Variants in ZNF106 observed in about 807,000 individuals in gnomAD.
ZNF106 encodes zinc finger protein 106, also known as SH3-domain binding protein 3.
In ZNF106, 67 loss-of-function variants were observed where a neutral mutation model predicts 195.1. That is an observed-to-expected ratio of 0.34 (90% confidence interval 0.28 to 0.42). ZNF106 has a LOEUF of 0.42. Ranked by LOEUF, ZNF106 falls within the 10% of genes least tolerant of loss-of-function variation. The pLI, the probability that ZNF106 is intolerant of heterozygous loss-of-function variation, is 1.00. For missense variants in ZNF106, 2,118 were observed against 2,304.5 expected (o/e 0.92, Z 1.66); for synonymous variants, 784 against 818.6 (o/e 0.96, Z 0.72).
At chr15:42,490,628 T>C (rs1055288129) in intron 1 of ZNF106, among the ~76,000 whole-genome samples, 1 of 152,222 alleles carries the variant, frequency 6.6e-6, no homozygotes, top group Non-Finnish European at 1.5e-5. Context: ...GTCCCTGGCC[T>C]GAGACCTACG....
intron 17 of ZNF106, 102 bp downstream of exon 17, chr15:42,423,896 G>T: frequency 9.2e-7 from 1 of 1,088,758 alleles, no homozygotes; most frequent in Non-Finnish European, 1.3e-6. Context: ...TCCCTTCGGT[G>T]GATAAAGGGC....
intron 3 of ZNF106, chr15:42,457,525 C>T: frequency 9.0e-7 from 1 of 1,105,564 alleles, no homozygotes; most frequent in Non-Finnish European, 1.1e-6. Flanking sequence ...ATGGTGCCAG[C>T]TGCACTCAGA....
chr15:42,418,100 G>A lies in ZNF106; in HGVS notation c.5518-149C>T, dbSNP rs569585220. ...ATTCTTGGCTAGAAAAGACAACAAAGCCAAGGCAACCAAAATATCAGTATA... is the reference window on the plus strand; with the variant it reads ...ATTCTTGGCTAGAAAAGACAACAAAACCAAGGCAACCAAAATATCAGTATA... On this transcript the variant is annotated intron_variant, in intron 20 of 21. Transcript: ENST00000564754. 5.0e-5 allele frequency: 44 copies of A among 886,938 alleles called. No homozygotes were observed. The East Asian group carries it at 1.2e-3, about 25-fold the overall frequency. 54.9% of individuals were successfully genotyped at this position (886,938 alleles called of 1,614,324 possible).
chr15:42,481,673 G>C (rs564396753), intron 1 of ZNF106, among the ~76,000 whole-genome samples: 14 of 152,124 alleles, frequency 9.2e-5, no homozygotes, highest in African/African-American at 3.1e-4. Context: ...ATTCTTTCTT[G>C]AAGGCTATTC....
chr15:42,480,543 C>G (rs2056877532), intron 1 of ZNF106, among the ~76,000 whole-genome samples: 1 of 151,970 alleles, frequency 6.6e-6, no homozygotes, highest in African/African-American at 2.4e-5. Context: ...TCAGTTATAC[C>G]TGTTTCTGTC....
At chr15:42,433,097 T>C (rs943666050) in intron 14 of ZNF106, among the ~76,000 whole-genome samples, 2 of 152,138 alleles carry the variant, frequency 1.3e-5, no homozygotes, top group Non-Finnish European at 2.9e-5. Context: ...GTATTAAGTA[T>C]ATTTTTATTT....
chr15:42,462,967 GT>G (rs11332297), intron 3 of ZNF106, among the ~76,000 whole-genome samples: 53,765 of 145,698 alleles, frequency 0.37, 12,076 homozygotes, highest in African/African-American at 0.65. Flanking sequence ...TTTGTTTTTT[GT>G]TTTTTTTTTT....
chr15:42,431,428 T>C (rs2055044705), intron 14 of ZNF106, among the ~76,000 whole-genome samples: 1 of 151,122 alleles, frequency 6.6e-6, no homozygotes, highest in African/African-American at 2.4e-5. Context: ...AGTTTTTCTC[T>C]GTTGCCCAGG....
intron 19 of ZNF106, 117 bp downstream of exon 19, chr15:42,421,800 A>G (rs1333783142): frequency 1.4e-6 from 1 of 712,646 alleles, no homozygotes; most frequent in Admixed American, 2.9e-5. Context: ...ATGCCAAGAG[A>G]TGGGAAGGTA....
chr15:42,449,288 T>C (rs1344023403), intron 5 of ZNF106, among the ~76,000 whole-genome samples: 3 of 152,146 alleles, frequency 2.0e-5, no homozygotes, highest in Admixed American at 6.6e-5. Flanking sequence ...ACACAAGCGC[T>C]TAAGAGAAAG....
Position 42,451,411 on chromosome 15 carries a change from G to C in ZNF106, c.861C>G (p.Asn287Lys). ...ATTTGTTTGACTTATTAGATTTCTT[G>C]TTCCATAGCATAGTCATGTCTTCCA... ...CQMEDMTMLWNKKSNKSNKYS... is the reference protein window; with the variant it reads ...CQMEDMTMLWKKKSNKSNKYS... The change falls in exon 5 of 22, where the codon AAC becomes AAG. Residue 287 changes from asparagine to lysine, a missense_variant. Asn to Lys is a moderately conservative substitution (Grantham distance 94). Transcript: ENST00000564754. 2.5e-6 allele frequency: 4 copies of C among 1,614,114 alleles called. No homozygotes were observed. Among genetic ancestry groups the C allele is most frequent in the Non-Finnish European group, 3.4e-6 (4 of 1,180,022 alleles).
At chr15:42,455,334 C>T (rs941643751) in intron 4 of ZNF106, among the ~76,000 whole-genome samples, 5 of 152,158 alleles carry the variant, frequency 3.3e-5, no homozygotes, top group African/African-American at 7.2e-5. Flanking sequence ...GTTTCATATA[C>T]ACCTTTTATA....
intron 4 of ZNF106, among the ~76,000 whole-genome samples, chr15:42,452,681 CTTT>C (rs1322441388): frequency 8.8e-5 from 9 of 101,898 alleles, no homozygotes; most frequent in South Asian, 3.6e-4. Flanking sequence ...CTATAGTTAT[CTTT>C]TTTTTTTTTT....
chr15:42,445,222 C>T (rs1032190397), intron 7 of ZNF106, among the ~76,000 whole-genome samples: 5 of 152,204 alleles, frequency 3.3e-5, no homozygotes, highest in Non-Finnish European at 7.3e-5. Context: ...CATTCTGTCT[C>T]ATCTAATCAC....
Position 42,438,621 on chromosome 15 carries a change from T to C in ZNF106, c.4591A>G (p.Asn1531Asp). The change falls in exon 12 of 22, where the codon AAT (asparagine) becomes GAT (aspartate). Residue 1531 changes from asparagine (N) to aspartate (D), a missense_variant. Coordinates refer to ENST00000564754, the MANE Select transcript of ZNF106 (RefSeq NM_001366845.3). Reference protein sequence around the residue: ...TVISSIKGSKNSSEISSEPGD... With the variant: ...TVISSIKGSKDSSEISSEPGD... ...ACTGAACAGCAAATACCTGAAGAAT[T>C]CTTTGATCCTTTTATGGAGGAGATC... 1 of 1,613,648 alleles carries C rather than the reference T, an allele frequency of 6.2e-7. No homozygotes were observed. Among genetic ancestry groups the C allele is most frequent in the Non-Finnish European group, 8.5e-7 (1 of 1,179,704 alleles).
At chr15:42,483,691 C>T (rs1437135308) in intron 1 of ZNF106, among the ~76,000 whole-genome samples, 3 of 152,202 alleles carry the variant, frequency 2.0e-5, no homozygotes, top group Non-Finnish European at 4.4e-5. Context: ...TGACACAACC[C>T]TTGCTAATGT....
At position 42,451,618 on chromosome 15, in the gene ZNF106, A is replaced by C. The variant is rs1319000538; in HGVS notation, c.654T>G (p.Asn218Lys). 6.2e-7 allele frequency: 1 copy of C among 1,614,132 alleles called. No individual in the cohort carries two copies. The change falls in exon 5 of 22, where the codon AAT becomes AAG. Residue 218 changes from asparagine (N) to lysine (K), a missense_variant. Physicochemically the swap from Asn to Lys is moderately conservative, Grantham distance 94 (BLOSUM62 0). Transcript: ENST00000564754. ...WLSNSGAVDW[N>K]HNGTGRNSSW... ...TGGAATTCCTTCCTGTACCATTATG[A>C]TTCCAATCTACTGCTCCACTATTTG... is the stretch of plus-strand genomic sequence containing the variant.
chr15:42,423,828 T>C (rs1222967163), intron 17 of ZNF106, among the ~76,000 whole-genome samples, 170 bp downstream of exon 17: 5 of 152,232 alleles, frequency 3.3e-5, no homozygotes, highest in African/African-American at 1.2e-4. Context: ...TTTGATGAGG[T>C]AGAATTTCTA....
At chr15:42,467,840 T>G (rs994923379) in intron 2 of ZNF106, among the ~76,000 whole-genome samples, 5 of 151,898 alleles carry the variant, frequency 3.3e-5, no homozygotes, top group African/African-American at 9.7e-5. Flanking sequence ...AAATATTTAG[T>G]CTTGCCCTCT....
Sources: allele counts gnomAD v4.1 joint callset (sites outside exome capture counted in the v4.1 genomes callset), GRCh38; gene constraint gnomAD v4.1.1; transcripts MANE v1.5; gene names NCBI Gene and HGNC (gene_info 2026-07-23, HGNC 2026-07-21).